The following FBXL7 variants were observed in gnomAD, a reference collection of about 807,000 sequenced individuals.
FBXL7 encodes the protein F-box and leucine rich repeat protein 7.
A neutral mutation model predicts 38.3 loss-of-function variants in FBXL7; 12 were observed. The observed-to-expected ratio is 0.31, with a 90% confidence interval of 0.20 to 0.51. FBXL7 has a LOEUF of 0.51. Ranked by LOEUF, FBXL7 falls within the 20% of genes least tolerant of loss-of-function variation. FBXL7 has a pLI of 0.98. For synonymous variants in FBXL7, 297 were observed against 300.9 expected, an observed-to-expected ratio of 0.99 and a Z score of 0.13; for missense variants, 567 against 676.4, an observed-to-expected ratio of 0.84 and a Z score of 1.79.
At position 15,615,966 on chromosome 5, in the gene FBXL7, A is replaced by T. The variant is rs1740435684; in HGVS notation, c.38-17A>T. The T allele has an allele frequency of 6.3e-7, 1 of 1,595,484 alleles. No homozygotes were observed. The highest frequency in any genetic ancestry group is 1.3e-5 in the African/African-American group (1 of 74,464). On this transcript the variant is annotated splice_polypyrimidine_tract_variant and intron_variant, in intron 1 of 3. Transcript: ENST00000504595. The stretch of plus-strand genomic sequence containing the variant: ...AAATTACAAATCTCAAAAGCTGCTC[A>T]TTCCTGTTTCTTCCAGGCAAAGGCA...
At chr5:15,726,887 A>G (rs1208445245) in intron 2 of FBXL7, among the ~76,000 whole-genome samples, 1 of 151,680 alleles carries the variant, frequency 6.6e-6, no homozygotes, top group Admixed American at 6.6e-5. Context: ...CATGCCATAT[A>G]GCTTTTTTTT....
chr5:15,878,045 A>G (rs947776044), intron 2 of FBXL7, among the ~76,000 whole-genome samples: 1 of 152,172 alleles, frequency 6.6e-6, no homozygotes, highest in Non-Finnish European at 1.5e-5. Context: ...ACAAATGCAG[A>G]CCAAAACCCA....
chr5:15,634,724 C>T (rs1386878084), intron 2 of FBXL7, among the ~76,000 whole-genome samples: 7 of 152,132 alleles, frequency 4.6e-5, no homozygotes, highest in Non-Finnish European at 8.8e-5. Flanking sequence ...AAGTCTGAAG[C>T]GAGTCTTAGA....
chr5:15,647,929 C>G (rs1741584339), intron 2 of FBXL7, among the ~76,000 whole-genome samples: 1 of 152,232 alleles, frequency 6.6e-6, no homozygotes, highest in Non-Finnish European at 1.5e-5. Flanking sequence ...CTTCTCTTTT[C>G]TCACACTGCC....
At chr5:15,841,468 G>T (rs1237804356) in intron 2 of FBXL7, among the ~76,000 whole-genome samples, 1 of 152,084 alleles carries the variant, frequency 6.6e-6, no homozygotes, top group Non-Finnish European at 1.5e-5. Flanking sequence ...GCAGAATCCA[G>T]AAAGATGTTC....
At chr5:15,548,719 A>G (rs1315179991) in intron 1 of FBXL7, among the ~76,000 whole-genome samples, 1 of 152,218 alleles carries the variant, frequency 6.6e-6, no homozygotes, top group Non-Finnish European at 1.5e-5. Flanking sequence ...CTCCAAATTT[A>G]AAGTGGAAAG....
intron 1 of FBXL7, chr5:15,501,872 G>A (rs747367439): frequency 3.4e-5 from 6 of 175,696 alleles, no homozygotes; most frequent in Non-Finnish European, 4.7e-5. Context: ...GTGTATGTGT[G>A]TGTGTGTGTG....
intron 2 of FBXL7, among the ~76,000 whole-genome samples, chr5:15,821,384 T>G (rs1310304022): frequency 6.6e-6 from 1 of 152,198 alleles, no homozygotes; most frequent in African/African-American, 2.4e-5. Flanking sequence ...AGCCCAATCT[T>G]AGGTTGCTGT....
At chr5:15,812,645 T>A (rs757237412) in intron 2 of FBXL7, among the ~76,000 whole-genome samples, 1 of 152,180 alleles carries the variant, frequency 6.6e-6, no homozygotes, top group Non-Finnish European at 1.5e-5. Flanking sequence ...AAATTTAAAG[T>A]AGTTTTTTCT....
At chr5:15,714,137 C>G (rs923824467) in intron 2 of FBXL7, among the ~76,000 whole-genome samples, 1 of 152,174 alleles carries the variant, frequency 6.6e-6, no homozygotes, top group African/African-American at 2.4e-5. Context: ...CCTAAATCTC[C>G]TGTTGAATTG....
chr5:15,589,998 C>T (rs186536665), intron 1 of FBXL7, among the ~76,000 whole-genome samples: 266 of 152,312 alleles, frequency 1.7e-3, no homozygotes, highest in Non-Finnish European at 2.9e-3. Flanking sequence ...ACTTCATTCA[C>T]CATCCCATGT....
At chr5:15,800,351 C>T (rs1737529736) in intron 2 of FBXL7, among the ~76,000 whole-genome samples, 1 of 152,192 alleles carries the variant, frequency 6.6e-6, no homozygotes, top group Non-Finnish European at 1.5e-5. Context: ...AGGAGCACAG[C>T]ACTGCTGAAA....
intron 2 of FBXL7, among the ~76,000 whole-genome samples, chr5:15,713,672 A>G (rs1348411871): frequency 6.6e-6 from 1 of 152,230 alleles, no homozygotes; most frequent in Non-Finnish European, 1.5e-5. Context: ...TTGTAGATTT[A>G]AATCTTAATA....
chr5:15,912,504 A>C (rs1313034373), intron 2 of FBXL7, among the ~76,000 whole-genome samples: 2 of 149,484 alleles, frequency 1.3e-5, no homozygotes, highest in Non-Finnish European at 2.9e-5. Flanking sequence ...TCACGCTGGG[A>C]GCTGTAGACC....
chr5:15,783,875 T>A (rs1737065011), intron 2 of FBXL7, among the ~76,000 whole-genome samples: 1 of 152,170 alleles, frequency 6.6e-6, no homozygotes, highest in African/African-American at 2.4e-5. Flanking sequence ...TGTATGGGAA[T>A]GGGAATGAGG....
In FBXL7 at chr5:15,936,896, T is replaced by A; in HGVS notation, c.1186T>A (p.Tyr396Asn). 1 of 1,613,912 alleles carries A rather than the reference T, an allele frequency of 6.2e-7. No individual in the cohort carries two copies. Among genetic ancestry groups the A allele is most frequent in the Non-Finnish European group, 8.5e-7 (1 of 1,179,860 alleles). The change falls in exon 4 of 4, where the codon TAC becomes AAC. Residue 396 changes from tyrosine to asparagine, a missense_variant. Physicochemically the swap from Tyr to Asn is moderately radical, Grantham distance 143. Transcript: ENST00000504595. This position sits in a 1 kb window ranked among gnomAD's most constrained non-coding sequence, Gnocchi z 6.0. ...GGGCATCACGGACCACGGTGTGGAG[T>A]ACCTCGCCAAGAACTGCACCAAACT... is the stretch of plus-strand genomic sequence containing the variant. ...CEGITDHGVE[Y>N]LAKNCTKLKS...
intron 1 of FBXL7, among the ~76,000 whole-genome samples, chr5:15,594,970 A>G (rs1467163027): frequency 2.0e-5 from 3 of 152,164 alleles, no homozygotes; most frequent in African/African-American, 4.8e-5. Flanking sequence ...ATATACCTGT[A>G]TGTGACAAGA....
intron 1 of FBXL7, among the ~76,000 whole-genome samples, chr5:15,573,853 G>C (rs568746662): frequency 6.6e-6 from 1 of 152,258 alleles, no homozygotes; most frequent in South Asian, 2.1e-4. Flanking sequence ...GTAGATGATT[G>C]TTAATGAACA....
In FBXL7 at chr5:15,535,966, G is replaced by A. The variant is rs547881749; in HGVS notation, c.37+35253G>A. ...CCTAGAAGGGAAAAATGGTTCTGTG[G>A]GCTGCGCCCAGGGCCTTGCTGCTCT... On this transcript the variant is annotated intron_variant, in intron 1 of 3. Transcript: ENST00000504595. Among the ~76,000 whole-genome samples, 60 of 152,350 alleles carry A rather than the reference G, an allele frequency of 3.9e-4. 1 individual carries two copies. Among genetic ancestry groups the A allele is most frequent in the South Asian group, 2.9e-3 (14 of 4,834 alleles).
Sources: allele counts gnomAD v4.1 joint callset (sites outside exome capture counted in the v4.1 genomes callset), GRCh38; gene constraint gnomAD v4.1.1; non-coding constraint Gnocchi (gnomAD v3.1); transcripts MANE v1.5; gene names NCBI Gene and HGNC (gene_info 2026-07-23, HGNC 2026-07-21).